The following NRP1 variants were observed in gnomAD, a reference collection of about 807,000 sequenced individuals.
NRP1 encodes the protein neuropilin 1, also known as neuropilin-1.
Under a neutral mutation model 106.7 loss-of-function variants are expected in NRP1, and 35 were observed. The observed-to-expected ratio is 0.33, with a 90% CI of 0.25 to 0.43. The LOEUF (loss-of-function observed/expected upper bound fraction) is 0.43. Ranked by LOEUF, NRP1 falls within the 20% of genes least tolerant of loss-of-function variation. The pLI, the probability that NRP1 is intolerant of heterozygous loss-of-function variation, is 1.00. For missense variants in NRP1, 1,024 were observed against 1,170.4 expected, an observed-to-expected ratio of 0.87 and a Z score of 1.83; for synonymous variants, 437 against 417.9, an observed-to-expected ratio of 1.05 and a Z score of -0.56.
chr10:33,224,891 C>T (rs556481469), intron 7 of NRP1, among the ~76,000 whole-genome samples: 41 of 152,304 alleles, frequency 2.7e-4, no homozygotes, highest in African/African-American at 8.4e-4. Flanking sequence ...TCAGCTCTCC[C>T]GGCTCTCTCT....
At chr10:33,253,952 C>T in intron 6 of NRP1, 76 bp downstream of exon 6, 1 of 1,390,222 alleles carries the variant, frequency 7.2e-7, no homozygotes, top group Non-Finnish European at 9.8e-7. Flanking sequence ...GGCACAGTAC[C>T]ACTTTCTTTC....
At chr10:33,317,060 G>C (rs116513772) in intron 2 of NRP1, among the ~76,000 whole-genome samples, 61 of 152,268 alleles carry the variant, frequency 4.0e-4, no homozygotes, top group African/African-American at 1.5e-3. Flanking sequence ...CTCACAAAGA[G>C]GTAGATCCTA....
rs1455723681 is a variant in NRP1 at position 33,334,568 on chromosome 10, T to C, written c.-186A>G. Reference sequence around the variant, plus strand: ...GGATCCGAGAGGAACGCTTCTCTTTTTGTGTCTCAAGTCGCCTGCATCCTG... The same window carrying C: ...GGATCCGAGAGGAACGCTTCTCTTTCTGTGTCTCAAGTCGCCTGCATCCTG... On this transcript the variant is annotated 5_prime_UTR_variant, in exon 1 of 17. Transcript: ENST00000374867. 1 of 525,174 alleles carries C rather than the reference T, an allele frequency of 1.9e-6. No homozygotes were observed. The highest frequency in any genetic ancestry group is 3.8e-5 in the Admixed American group (1 of 26,176). 32.5% of individuals were successfully genotyped at this position (525,174 alleles called of 1,614,324 possible). A position where few individuals can be genotyped will look rare whatever the true frequency, so the allele number is the denominator to read the frequency against.
intron 9 of NRP1, among the ~76,000 whole-genome samples, chr10:33,209,113 G>C (rs1209098668): frequency 6.6e-6 from 1 of 150,540 alleles, no homozygotes; most frequent in African/African-American, 2.4e-5. Context: ...CACCACGTTG[G>C]CCAGGCTGGT....
At chr10:33,326,425 A>G (rs1472481498) in intron 2 of NRP1, among the ~76,000 whole-genome samples, 1 of 152,154 alleles carries the variant, frequency 6.6e-6, no homozygotes, top group Non-Finnish European at 1.5e-5. Context: ...ACACTTCACA[A>G]GTGTGCAGGA....
chr10:33,249,322 A>G (rs1564421988), intron 6 of NRP1: 1 of 388,828 alleles, frequency 2.6e-6, no homozygotes, highest in African/African-American at 2.1e-5. Context: ...GATGCAGTAC[A>G]CTGTGTACTT....
At position 33,262,666 on chromosome 10, in the gene NRP1, G is replaced by A. The variant is rs1046468179; in HGVS notation, c.658+980C>T. Among the ~76,000 whole-genome samples the A allele has an allele frequency of 5.2e-5, 7 of 133,992 alleles. No homozygotes were observed. In the East Asian group the frequency reaches 1.6e-3, roughly 30 times the overall value. 87.9% of individuals were successfully genotyped at this position (133,992 alleles called of 152,430 possible). On this transcript the variant is annotated intron_variant, in intron 4 of 16. Transcript: ENST00000374867. ...TGCAGTGAGCCGAGATTGCTCCACT[G>A]AACTCCAGCCTGGGTGACAAGAGCA...
intron 2 of NRP1, among the ~76,000 whole-genome samples, chr10:33,302,690 G>T (rs1345623759): frequency 3.3e-5 from 5 of 152,182 alleles, no homozygotes; most frequent in African/African-American, 7.2e-5. Context: ...CCTGGCAGGG[G>T]TCCCCTCCTG....
intron 8 of NRP1, among the ~76,000 whole-genome samples, chr10:33,218,971 G>A (rs942766185): frequency 1.3e-5 from 2 of 152,148 alleles, no homozygotes; most frequent in Non-Finnish European, 1.5e-5. Flanking sequence ...AGTCCAGCAG[G>A]AATACTGTAG....
At chr10:33,249,084 G>GGTTTTTTTT (rs1320176756) in intron 6 of NRP1, among the ~76,000 whole-genome samples, 1 of 72,198 alleles carries the variant, frequency 1.4e-5, no homozygotes, top group African/African-American at 5.8e-5. Flanking sequence ...TATGTCTCTT[G>GGTTTTTTTT]TTTTTTTTTT....
intron 2 of NRP1, among the ~76,000 whole-genome samples, chr10:33,278,438 A>T (rs940185271): frequency 1.3e-5 from 2 of 152,184 alleles, no homozygotes; most frequent in African/African-American, 4.8e-5. Flanking sequence ...GCAATGTGAC[A>T]TCCATCAGTG....
chr10:33,253,564 C>A (rs1208888233), intron 6 of NRP1, among the ~76,000 whole-genome samples: 1 of 152,144 alleles, frequency 6.6e-6, no homozygotes, highest in Admixed American at 6.5e-5. Context: ...CTTCTCCTAC[C>A]CTGAACAAAC....
chr10:33,316,999 TATATG>T (rs1160351944), intron 2 of NRP1, among the ~76,000 whole-genome samples: 1 of 152,098 alleles, frequency 6.6e-6, no homozygotes, highest in African/African-American at 2.4e-5. Context: ...GAGACAGAGA[TATATG>T]AAATGTTTGC....
At chr10:33,282,744 A>G (rs1844230990) in intron 2 of NRP1, among the ~76,000 whole-genome samples, 1 of 151,870 alleles carries the variant, frequency 6.6e-6, no homozygotes, top group Non-Finnish European at 1.5e-5. Flanking sequence ...GTTGAGCTGA[A>G]CTTTTCTTTT....
intron 14 of NRP1, among the ~76,000 whole-genome samples, chr10:33,185,933 C>T (rs545876277): frequency 6.6e-5 from 10 of 152,260 alleles, no homozygotes; most frequent in Admixed American, 2.0e-4. Flanking sequence ...AACTTTAAAA[C>T]GGGAGAAAGC....
chr10:33,216,665 C>T (rs11009300), intron 8 of NRP1, among the ~76,000 whole-genome samples: 42,203 of 150,938 alleles, frequency 0.28, 6,300 homozygotes, highest in East Asian at 0.61. Context: ...TGCTCTCAAA[C>T]TACTGGGGTC....
At chr10:33,200,330 A>C (rs1347063549) in intron 11 of NRP1, among the ~76,000 whole-genome samples, 1 of 152,206 alleles carries the variant, frequency 6.6e-6, no homozygotes, top group African/African-American at 2.4e-5. Flanking sequence ...AGGCATTTGC[A>C]AATGAGTAAT....
intron 2 of NRP1, among the ~76,000 whole-genome samples, chr10:33,273,303 C>T (rs1388004141): frequency 6.6e-6 from 1 of 152,194 alleles, no homozygotes; most frequent in East Asian, 1.9e-4. Flanking sequence ...TGTAAATATT[C>T]AGGAGGGTGT....
chr10:33,207,524 G>A (rs1267674747), intron 10 of NRP1, 48 bp downstream of exon 10: 2 of 1,608,064 alleles, frequency 1.2e-6, no homozygotes, highest in Non-Finnish European at 1.7e-6. Context: ...ATGCATGGAA[G>A]AGGAAATTTA....
Sources: allele counts gnomAD v4.1 joint callset (sites outside exome capture counted in the v4.1 genomes callset), GRCh38; gene constraint gnomAD v4.1.1; transcripts MANE v1.5; gene names NCBI Gene and HGNC (gene_info 2026-07-23, HGNC 2026-07-21).